Variants in NBAS observed in about 807,000 individuals in gnomAD.
NBAS encodes the protein NAG/BC035112 fusion.
Under a neutral mutation model 302.5 loss-of-function variants are expected in NBAS, and 219 were observed. The observed-to-expected ratio is 0.72, with a 90% CI of 0.65 to 0.81. NBAS has a LOEUF of 0.81. Among genes scored for constraint, NBAS ranks in the 30% least tolerant of loss-of-function variants. NBAS has a pLI of 0.00. For missense variants in NBAS, 2,932 were observed against 2,841.6 expected (o/e 1.03, Z -0.72); for synonymous variants, 1,118 against 1,021.6 (o/e 1.09, Z -1.80).
chr2:15,270,740 A>T (rs1272267831), intron 44 of NBAS, among the ~76,000 whole-genome samples: 1 of 152,194 alleles, frequency 6.6e-6, no homozygotes, highest in East Asian at 1.9e-4. Flanking sequence ...TAACTTAAAA[A>T]TTCTTTTACT....
At chr2:15,487,844 C>T (rs560105127) in intron 12 of NBAS, among the ~76,000 whole-genome samples, 4 of 152,062 alleles carry the variant, frequency 2.6e-5, no homozygotes, top group African/African-American at 9.7e-5. Flanking sequence ...AATCTAGATC[C>T]AATAAGGGAG....
the NBAS span, among the ~76,000 whole-genome samples, chr2:15,058,752 C>A: frequency 4.6e-5 from 7 of 152,186 alleles, no homozygotes; most frequent in African/African-American, 7.2e-5. Flanking sequence ...ACTTTCACAA[C>A]TGGCCGGGAA....
downstream of NBAS, among the ~76,000 whole-genome samples, chr2:15,163,062 A>G (rs928524334): frequency 6.6e-6 from 1 of 152,192 alleles, no homozygotes; most frequent in African/African-American, 2.4e-5. Flanking sequence ...AGACCCTGGG[A>G]GCTGCGCTGA....
At chr2:15,275,355 A>C in intron 44 of NBAS, 129 bp downstream of exon 44, 1 of 1,147,466 alleles carries the variant, frequency 8.7e-7, no homozygotes, top group Non-Finnish European at 1.2e-6. Flanking sequence ...CAAATGAACA[A>C]AAACTTTTTA....
At chr2:14,838,494 T>C in the NBAS span, among the ~76,000 whole-genome samples, 15 of 152,050 alleles carry the variant, frequency 9.9e-5, no homozygotes, top group African/African-American at 3.6e-4. Context: ...ATGCTAAGCA[T>C]CACTATTTCA....
At chr2:15,386,719 C>T (rs1482963323) in intron 28 of NBAS, among the ~76,000 whole-genome samples, 1 of 152,172 alleles carries the variant, frequency 6.6e-6, no homozygotes, top group Non-Finnish European at 1.5e-5. Flanking sequence ...AACTAAATGA[C>T]TACTAGGTCA....
the NBAS span, among the ~76,000 whole-genome samples, chr2:14,783,183 T>G: frequency 6.6e-6 from 1 of 152,120 alleles, no homozygotes; most frequent in Non-Finnish European, 1.5e-5. Context: ...GATAATGAAA[T>G]GGCAAATTGA....
the NBAS span, among the ~76,000 whole-genome samples, chr2:15,095,864 T>C: frequency 6.6e-6 from 1 of 152,170 alleles, no homozygotes; most frequent in Non-Finnish European, 1.5e-5. Flanking sequence ...TCCATCCCAC[T>C]GCCATCAGAA....
chr2:15,086,308 G>C, the NBAS span, among the ~76,000 whole-genome samples: 1 of 152,056 alleles, frequency 6.6e-6, no homozygotes, highest in African/African-American at 2.4e-5. Context: ...CTGAACACTC[G>C]GGATACCCTG....
chr2:14,821,438 C>G, the NBAS span, among the ~76,000 whole-genome samples: 1 of 152,170 alleles, frequency 6.6e-6, no homozygotes, highest in Non-Finnish European at 1.5e-5. Flanking sequence ...TCCACCCTGC[C>G]CGCTCTGGAT....
At chr2:15,393,204 T>G (rs760004351) in intron 28 of NBAS, among the ~76,000 whole-genome samples, 1 of 151,816 alleles carries the variant, frequency 6.6e-6, no homozygotes, top group Admixed American at 6.6e-5. Context: ...ACAAATTGAT[T>G]AAAAGGCAAA....
the NBAS span, among the ~76,000 whole-genome samples, chr2:15,100,203 A>G: frequency 6.6e-6 from 1 of 152,186 alleles, no homozygotes; most frequent in South Asian, 2.1e-4. Flanking sequence ...ACTTATAAAG[A>G]ACTACTTTCA....
the NBAS span, among the ~76,000 whole-genome samples, chr2:15,096,185 C>T: frequency 6.6e-6 from 1 of 152,230 alleles, no homozygotes; most frequent in Non-Finnish European, 1.5e-5. Context: ...AACAGTTGTC[C>T]TTCACCTAAG....
the NBAS span, among the ~76,000 whole-genome samples, chr2:15,082,386 T>C: frequency 6.6e-6 from 1 of 152,182 alleles, no homozygotes; most frequent in Non-Finnish European, 1.5e-5. Context: ...GTCTCTACCC[T>C]AACGACTCCT....
At chr2:14,959,499 T>A in the NBAS span, among the ~76,000 whole-genome samples, 3 of 152,200 alleles carry the variant, frequency 2.0e-5, no homozygotes, top group Admixed American at 6.5e-5. Flanking sequence ...GCTCTCTCTT[T>A]CTTACAGTCC....
the NBAS span, among the ~76,000 whole-genome samples, chr2:14,995,716 A>G: frequency 1.3e-5 from 2 of 152,076 alleles, no homozygotes; most frequent in African/African-American, 4.8e-5. Context: ...GTGTCTCCCC[A>G]AAGAACTTCC....
At chr2:15,033,034 G>T in the NBAS span, among the ~76,000 whole-genome samples, 1 of 152,204 alleles carries the variant, frequency 6.6e-6, no homozygotes, top group Non-Finnish European at 1.5e-5. Context: ...CTACTATCCA[G>T]CAGAACCCTG....
the NBAS span, among the ~76,000 whole-genome samples, chr2:15,111,440 A>G: frequency 1.3e-5 from 2 of 152,166 alleles, no homozygotes; most frequent in African/African-American, 4.8e-5. Flanking sequence ...AGGTGGAATC[A>G]GTAGGCAACT....
the NBAS span, among the ~76,000 whole-genome samples, chr2:15,077,333 TG>T: frequency 6.6e-6 from 1 of 152,062 alleles, no homozygotes; most frequent in African/African-American, 2.4e-5. Flanking sequence ...CCTCAACTCG[TG>T]GGGATTATAA....
Sources: allele counts gnomAD v4.1 joint callset (sites outside exome capture counted in the v4.1 genomes callset), GRCh38; gene constraint gnomAD v4.1.1; transcripts MANE v1.5; gene names NCBI Gene and HGNC (gene_info 2026-07-23, HGNC 2026-07-21).